The following PCDHGB3 variants were observed in gnomAD, a reference collection of about 807,000 sequenced individuals.
The protein encoded by PCDHGB3 is protocadherin gamma-B3.
In PCDHGB3, 40 loss-of-function variants were observed where a neutral mutation model predicts 59.2. That is an observed-to-expected ratio of 0.68 (90% CI 0.52 to 0.88). The LOEUF is 0.88. Ranked by LOEUF, PCDHGB3 falls within the 40% of genes least tolerant of loss-of-function variation. The probability of loss-of-function intolerance (pLI) is 0.00; values close to 1 mark genes in which losing one functional copy is unlikely to be tolerated. For missense variants in PCDHGB3, 1,309 were observed against 1,187.9 expected (o/e 1.10, Z -1.50); for synonymous variants, 581 against 503.6 (o/e 1.15, Z -2.06).
At chr5:141,422,122 A>C in intron 1 of PCDHGB3, 1 of 1,601,714 alleles carries the variant, frequency 6.2e-7, no homozygotes, top group Non-Finnish European at 8.5e-7. Context: ...GGATTCACAA[A>C]CTGGAGAAGT....
chr5:141,410,719 A>G, intron 1 of PCDHGB3: 3 of 1,407,980 alleles, frequency 2.1e-6, no homozygotes, highest in Non-Finnish European at 2.9e-6. Context: ...TCATATGTTT[A>G]AAATCCATAG....
intron 1 of PCDHGB3, 102 bp from the exon 2 acceptor site, chr5:141,494,705 G>A (rs2099756254): frequency 1.3e-6 from 2 of 1,597,990 alleles, no homozygotes; most frequent in East Asian, 2.2e-5. Context: ...TTTCTTCTCT[G>A]TGCCCACTCC....
chr5:141,381,965 G>C (rs571350764), intron 1 of PCDHGB3, among the ~76,000 whole-genome samples: 96 of 151,186 alleles, frequency 6.3e-4, no homozygotes, highest in African/African-American at 2.2e-3. Flanking sequence ...GAGTAGCTGG[G>C]ATTACAGGCG....
chr5:141,378,022 A>G (rs1411303620), intron 1 of PCDHGB3: 2 of 152,188 alleles, frequency 1.3e-5, no homozygotes, highest in Non-Finnish European at 2.9e-5. Flanking sequence ...TACTTATATT[A>G]TTTTTTAAAA....
At chr5:141,410,847 G>GTTTTT (rs773839667) in intron 1 of PCDHGB3, 12 of 158,330 alleles carry the variant, frequency 7.6e-5, no homozygotes, top group African/African-American at 2.5e-4. Flanking sequence ...TTTTGTCTTT[G>GTTTTT]TCTTTTTTTT....
chr5:141,421,548 G>A, intron 1 of PCDHGB3: 19 of 1,613,984 alleles, frequency 1.2e-5, no homozygotes, highest in Non-Finnish European at 1.6e-5. Flanking sequence ...TTTTAAATAT[G>A]GAACTTCTCG....
intron 1 of PCDHGB3, chr5:141,405,107 T>A: frequency 6.2e-7 from 1 of 1,613,998 alleles, no homozygotes; most frequent in African/African-American, 1.3e-5. Flanking sequence ...GCTGAGGCAC[T>A]GGCACTCCTC....
rs1435453699 is a variant in PCDHGB3, at chr5:141,372,757, T to A, written c.2363T>A (p.Phe788Tyr). Residue 788 changes from phenylalanine to tyrosine, a missense_variant, in exon 1 of 4, where the codon TTT becomes TAT. Transcript: ENST00000576222. The part of the protein sequence containing the change: ...QDLLCDEASW[F>Y]ESNDNPEMPS... The stretch of plus-strand genomic sequence containing the variant: ...CTTCTATGTGATGAAGCCTCTTGGT[T>A]TGAAAGTAATGACAATCCAGAAATG... 6.2e-7 allele frequency: 1 copy of A among 1,613,122 alleles called. No homozygotes were observed. Among genetic ancestry groups the A allele is most frequent in the Non-Finnish European group, 8.5e-7 (1 of 1,179,382 alleles).
chr5:141,501,836 T>G (rs2099811283), intron 2 of PCDHGB3, among the ~76,000 whole-genome samples: 1 of 152,136 alleles, frequency 6.6e-6, no homozygotes, highest in Non-Finnish European at 1.5e-5. Context: ...CCCACCTGTT[T>G]GGCCCTCAAC....
intron 1 of PCDHGB3, chr5:141,374,616 T>G: frequency 6.2e-7 from 1 of 1,613,518 alleles, no homozygotes; most frequent in South Asian, 1.1e-5. Flanking sequence ...AATAGTCACT[T>G]CTCAGTGGAC....
In PCDHGB3 at chr5:141,372,457, TAC is replaced by T. The variant is rs774918013; in HGVS notation, c.2065_2066del (p.Gln689ValfsTer35). 1.9e-6 allele frequency: 3 copies of T among 1,614,052 alleles called. No individual in the cohort carries two copies. The highest frequency in any genetic ancestry group is 1.7e-6 in the Non-Finnish European group (2 of 1,179,896). On this transcript the variant is annotated frameshift_variant, in exon 1 of 4. Transcript: ENST00000576222. LOFTEE classifies it high-confidence loss of function. ...ACTCCCTCTGACCCTCAGGCGGAGC[TAC>T]AGTTTCACCTAGTAGTGGCGTTGGC...
intron 2 of PCDHGB3, among the ~76,000 whole-genome samples, chr5:141,499,689 CTTTTTT>C (rs545067566): frequency 3.3e-5 from 4 of 119,854 alleles, no homozygotes; most frequent in Admixed American, 8.7e-5. Flanking sequence ...TAACAGATGA[CTTTTTT>C]TTTTTTTTTT....
At chr5:141,419,620 G>A (rs776986192) in intron 1 of PCDHGB3, 9 of 1,612,304 alleles carry the variant, frequency 5.6e-6, no homozygotes, top group Non-Finnish European at 7.6e-6. Context: ...CAGGCTACCT[G>A]GTGACCAAGG....
At chr5:141,481,894 A>G (rs1278425155) in intron 1 of PCDHGB3, among the ~76,000 whole-genome samples, 1 of 145,812 alleles carries the variant, frequency 6.9e-6, no homozygotes, top group Non-Finnish European at 1.5e-5. Flanking sequence ...AGCCTGGGTG[A>G]AAGAGCGAAA....
chr5:141,375,967 G>T, intron 1 of PCDHGB3: 2 of 1,613,372 alleles, frequency 1.2e-6, no homozygotes, highest in East Asian at 2.2e-5. Flanking sequence ...AGGTGCGCAC[G>T]GCGCGCGCCC....
chr5:141,387,767 T>C, intron 1 of PCDHGB3: 5 of 1,435,258 alleles, frequency 3.5e-6, no homozygotes, highest in Non-Finnish European at 4.6e-6. Context: ...AAGAAGAATT[T>C]TTTCTTGAAC....
At chr5:141,462,071 C>T (rs1473972601) in intron 1 of PCDHGB3, among the ~76,000 whole-genome samples, 1 of 152,214 alleles carries the variant, frequency 6.6e-6, no homozygotes, top group African/African-American at 2.4e-5. Context: ...GATCTGCCCG[C>T]CTTGGCCTCC....
chr5:141,477,765 A>C lies in PCDHGB3; in HGVS notation c.2416-17042A>C, dbSNP rs752391870. The C allele has an allele frequency of 6.2e-7, 1 of 1,614,026 alleles. No individual in the cohort carries two copies. Among genetic ancestry groups the C allele is most frequent in the Non-Finnish European group, 8.5e-7 (1 of 1,180,036 alleles). Reference sequence around the variant, plus strand: ...GGGGGCACCCCGGTCCTAGCCACCAACATCAGCGTGAACATATTTGTCACT... The same window carrying C: ...GGGGGCACCCCGGTCCTAGCCACCACCATCAGCGTGAACATATTTGTCACT... On this transcript the variant is annotated intron_variant, in intron 1 of 3. Coordinates refer to ENST00000576222, the MANE Select transcript of PCDHGB3 (RefSeq NM_018924.5). The surrounding 1 kb of genome is among the most constrained non-coding windows in gnomAD (Gnocchi z 4.9).
Position 141,432,691 on chromosome 5 carries a change from G to A in PCDHGB3, c.2415+59882G>A, listed in dbSNP as rs1308174141. Reference sequence around the variant, plus strand: ...ACGCGCTCAAGCAGAGCCTCGTAGTGGCCGTCCAGGACCACGGCCAGCCCC... The same window carrying A: ...ACGCGCTCAAGCAGAGCCTCGTAGTAGCCGTCCAGGACCACGGCCAGCCCC... On this transcript the variant is annotated intron_variant, in intron 1 of 3. Transcript: ENST00000576222. The surrounding 1 kb of genome is among the most constrained non-coding windows in gnomAD (Gnocchi z 6.0). 1 of 1,613,942 alleles carries A rather than the reference G, an allele frequency of 6.2e-7. No individual in the cohort carries two copies. Among genetic ancestry groups the A allele is most frequent in the South Asian group, 1.1e-5 (1 of 91,068 alleles).
Sources: allele counts gnomAD v4.1 joint callset (sites outside exome capture counted in the v4.1 genomes callset), GRCh38; gene constraint gnomAD v4.1.1; non-coding constraint Gnocchi (gnomAD v3.1); transcripts MANE v1.5; gene names NCBI Gene and HGNC (gene_info 2026-07-23, HGNC 2026-07-21).